The following ARVCF variants were observed in gnomAD, a reference collection of about 807,000 sequenced individuals.
ARVCF encodes the protein ARVCF delta catenin family member.
A neutral mutation model predicts 90.9 loss-of-function variants in ARVCF; 66 were observed. That is an observed-to-expected ratio of 0.73 (90% CI 0.60 to 0.89). The LOEUF (loss-of-function observed/expected upper bound fraction) is 0.89, where lower values mean the gene tolerates loss of function less well. Among genes scored for constraint, ARVCF ranks in the 40% least tolerant of loss-of-function variants. The pLI is 0.00. For missense variants in ARVCF, 1,469 were observed against 1,382.3 expected (o/e 1.06, Z -1.00); for synonymous variants, 653 against 603.4 (o/e 1.08, Z -1.21).
At position 20,016,692 on chromosome 22, in the gene ARVCF, G is replaced by A. The variant is rs1680030474; in HGVS notation, c.-176C>T. The stretch of plus-strand genomic sequence containing the variant: ...AGCGGCGTTCCCAGGGCGCGGCGCG[G>A]TGCGGCGCGGCGCGGGTCGCAGTCC... On this transcript the variant is annotated 5_prime_UTR_variant, in exon 1 of 20. Transcript: ENST00000263207. 6.6e-6 allele frequency: 1 copy of A among 150,822 alleles called. No homozygotes were observed. The highest frequency in any genetic ancestry group is 2.1e-4 in the South Asian group (1 of 4,826). The allele number at this position is 150,822 out of a possible 1,614,324, so 9.3% of individuals were successfully genotyped here.
rs755121911 is a variant in ARVCF, at chr22:19,974,156, C to T, written c.2044G>A (p.Ala682Thr). The T allele has an allele frequency of 6.2e-7, 1 of 1,612,982 alleles. No individual in the cohort carries two copies. Among genetic ancestry groups the T allele is most frequent in the South Asian group, 1.1e-5 (1 of 91,068 alleles). Residue 682 changes from alanine to threonine, a missense_variant, in exon 12 of 20, where the codon GCT (alanine) becomes ACT (threonine). Transcript: ENST00000263207. ...TESRNFNTLE[A>T]AAGALQNLSA... ...AGGTTCTGCAGAGCGCCGGCGGCAGCCTCCAGGGTGTTGAAGTTCCGGCTC... is the reference window on the plus strand; with the variant it reads ...AGGTTCTGCAGAGCGCCGGCGGCAGTCTCCAGGGTGTTGAAGTTCCGGCTC...
At chr22:19,975,153 G>A (rs1211093276) in intron 11 of ARVCF, among the ~76,000 whole-genome samples, 1 of 152,166 alleles carries the variant, frequency 6.6e-6, no homozygotes, top group South Asian at 2.1e-4. Flanking sequence ...TCCTGCGGCT[G>A]GAGCCCTCCA....
intron 3 of ARVCF, among the ~76,000 whole-genome samples, chr22:19,986,003 G>C (rs1943746246): frequency 6.6e-6 from 1 of 152,226 alleles, no homozygotes; most frequent in Non-Finnish European, 1.5e-5. Flanking sequence ...CCTTTCCCTT[G>C]GTGCCACAGC....
downstream of ARVCF, chr22:19,968,953 G>A: frequency 1.8e-6 from 1 of 563,060 alleles, no homozygotes; most frequent in Non-Finnish European, 3.2e-6. Context: ...ACACTGGCTA[G>A]CTATATTATC....
chr22:19,970,157 G>A lies in ARVCF; in HGVS notation c.*599C>T, dbSNP rs769851457. 28 of 986,476 alleles carry A rather than the reference G, an allele frequency of 2.8e-5. No homozygotes were observed. Among genetic ancestry groups the A allele is most frequent in the African/African-American group, 7.0e-5 (4 of 57,230 alleles). 61.1% of individuals were successfully genotyped at this position (986,476 alleles called of 1,614,324 possible). A position where few individuals can be genotyped will look rare whatever the true frequency, so the allele number is the denominator to read the frequency against. On this transcript the variant is annotated 3_prime_UTR_variant, in exon 20 of 20. Transcript: ENST00000263207. ...GCTCTCTACTGCACAGGGGCCTCAC[G>A]TGACTGCAGGGCTCTGGGGAGGTGG...
In ARVCF at chr22:20,008,345, C is replaced by T. The variant is rs368319916; in HGVS notation, c.-19+2110G>A. ...ATGGGAAACGGCAGGGCATCTGTGT[C>T]CCCGCCAGCCCTTCTCACTCAGGCC... On this transcript the variant is annotated intron_variant, in intron 2 of 19. Transcript: ENST00000263207. 7.2e-5 allele frequency among the ~76,000 whole-genome samples: 11 copies of T among 152,306 alleles called. No homozygotes were observed. The East Asian group carries it at 1.5e-3, about 21-fold the overall frequency.
intron 2 of ARVCF, among the ~76,000 whole-genome samples, chr22:19,993,720 A>C (rs188381638): frequency 3.3e-4 from 51 of 152,272 alleles, no homozygotes; most frequent in Non-Finnish European, 6.6e-4. Context: ...GGCAGGAATG[A>C]CATTGCACAG....
intron 2 of ARVCF, among the ~76,000 whole-genome samples, chr22:20,006,387 C>T (rs1161876786): frequency 6.6e-6 from 1 of 151,728 alleles, no homozygotes; most frequent in African/African-American, 2.4e-5. Flanking sequence ...ACCATCCTGG[C>T]TAACATGGTG....
chr22:19,966,881 T>A, downstream of ARVCF: 1 of 957,592 alleles, frequency 1.0e-6, no homozygotes, highest in Non-Finnish European at 1.2e-6. Context: ...GTGGGCCAGA[T>A]GAAAACCACC....
rs1045624489 is a variant in ARVCF, at chr22:19,971,955, C to T, written c.2712G>A (p.Val904=). 1 of 1,611,192 alleles carries T rather than the reference C, an allele frequency of 6.2e-7. No individual in the cohort carries two copies. Among genetic ancestry groups the T allele is most frequent in the Non-Finnish European group, 8.5e-7 (1 of 1,178,986 alleles). ...CCCGTGGCCTCCGCTCCCTCCGGTC[C>T]ACCGTGGAGTATCCGTCTGTAGATG... ...DALGPDGYST[V]DRRERRPRGA... is the part of the protein sequence containing the mutation. Residue 904 remains valine (V), a synonymous_variant, in exon 18 of 20, where the codon GTG becomes GTA. Coordinates refer to ENST00000263207, the MANE Select transcript of ARVCF (RefSeq NM_001670.3).
chr22:19,968,448 G>A, downstream of ARVCF: 2 of 1,306,176 alleles, frequency 1.5e-6, no homozygotes, highest in East Asian at 2.5e-5. Flanking sequence ...TGGTGCCGTG[G>A]CCTAGTGAGG....
rs1174344255 is a variant in ARVCF at position 20,006,401 on chromosome 22, C to A, written c.-19+4054G>T. On this transcript the variant is annotated intron_variant, in intron 2 of 19. Transcript: ENST00000263207. ...GACCATCCTGGCTAACATGGTGAAA[C>A]CCCGTCTCTACTAAAAGTACAAAAA... Among the ~76,000 whole-genome samples, 3 of 151,632 alleles carry A rather than the reference C, an allele frequency of 2.0e-5. No individual in the cohort carries two copies. In the East Asian group the frequency reaches 5.9e-4, roughly 30 times the overall value.
chr22:19,965,928 G>C (rs369035502), downstream of ARVCF, among the ~76,000 whole-genome samples: 11 of 152,330 alleles, frequency 7.2e-5, no homozygotes, highest in East Asian at 1.9e-3. Context: ...CAGAGAGCTG[G>C]CACTCAGCCA....
At position 19,971,310 on chromosome 22, in the gene ARVCF, G is replaced by T; in HGVS notation, c.2807C>A (p.Pro936His). The T allele has an allele frequency of 6.4e-7, 1 of 1,555,786 alleles. No individual in the cohort carries two copies. Among genetic ancestry groups the T allele is most frequent in the Non-Finnish European group, 8.7e-7 (1 of 1,149,236 alleles). The change falls in exon 19 of 20, where the codon CCC (proline) becomes CAC (histidine). Residue 936 changes from proline to histidine, a missense_variant. Physicochemically the swap from Pro to His is moderately conservative, Grantham distance 77. Coordinates refer to ENST00000263207, the MANE Select transcript of ARVCF (RefSeq NM_001670.3). ...LKLDPSRKAPPPGPSRPAVRL... is the reference protein window; with the variant it reads ...LKLDPSRKAPHPGPSRPAVRL... ...GACCGCGGGCCTGCTGGGCCCGGGG[G>T]GAGGGGCCTTCCTGCTGGGGTCGAG...
In ARVCF at chr22:19,981,500, T is replaced by C; in HGVS notation, c.607A>G (p.Ser203Gly). ...CGCATGCCCAGCCCTCGGGACAGGC[T>C]GCCATAGCTGGGGCTGTCCCGGGGC... ...PEPRDSPSYG[S>G]LSRGLGMRPP... The change falls in exon 5 of 20, where the codon AGC (serine) becomes GGC (glycine). Residue 203 changes from serine (S) to glycine (G), a missense_variant. Coordinates refer to ENST00000263207, the MANE Select transcript of ARVCF (RefSeq NM_001670.3). 1 of 1,558,822 alleles carries C rather than the reference T, an allele frequency of 6.4e-7. No homozygotes were observed. The highest frequency in any genetic ancestry group is 1.2e-5 in the South Asian group (1 of 84,700).
intron 3 of ARVCF, among the ~76,000 whole-genome samples, chr22:19,987,840 C>T (rs968485427): frequency 4.6e-5 from 7 of 152,128 alleles, no homozygotes; most frequent in African/African-American, 1.7e-4. Context: ...CATCGAGGCA[C>T]AGAAGCCCCG....
chr22:20,008,708 G>A (rs770467865), intron 2 of ARVCF, among the ~76,000 whole-genome samples: 5 of 152,216 alleles, frequency 3.3e-5, no homozygotes, highest in South Asian at 2.1e-4. Context: ...GCAGGCAGCC[G>A]CAAGCCAGAG....
intron 2 of ARVCF, among the ~76,000 whole-genome samples, chr22:19,999,750 G>C (rs925746101): frequency 1.3e-5 from 2 of 152,166 alleles, no homozygotes; most frequent in African/African-American, 4.8e-5. Context: ...GGTGCAAAGG[G>C]AGTCTCTGAG....
At chr22:19,994,787 G>A (rs1402704768) in intron 2 of ARVCF, among the ~76,000 whole-genome samples, 5 of 150,916 alleles carry the variant, frequency 3.3e-5, no homozygotes, top group Admixed American at 6.6e-5. Flanking sequence ...GTCGGGGGAT[G>A]GTGGGAGATG....
Sources: gnomAD v4.1 joint callset for allele counts (sites outside exome capture counted in the v4.1 genomes callset) on GRCh38, gnomAD v4.1.1 for gene constraint, MANE v1.5 for transcripts, NCBI Gene and HGNC (gene_info 2026-07-23, HGNC 2026-07-21) for gene names.